The following NRG1 variants were observed in gnomAD, a reference collection of about 807,000 sequenced individuals.
The protein encoded by NRG1 is neuregulin 1.
Under a neutral mutation model 63.8 loss-of-function variants are expected in NRG1, and 18 were observed. The ratio of observed to expected loss-of-function variants is 0.28; its 90% CI spans 0.19 to 0.42. The LOEUF is 0.42. Ranked by LOEUF, NRG1 falls within the 10% of genes least tolerant of loss-of-function variation. The pLI is 1.00. For missense variants in NRG1, 762 were observed against 814.7 expected, an observed-to-expected ratio of 0.94 and a Z score of 0.79; for synonymous variants, 302 against 301.3, an observed-to-expected ratio of 1.00 and a Z score of -0.02.
At chr8:31,661,138 G>A (rs958058485) in intron 1 of NRG1, among the ~76,000 whole-genome samples, 1 of 152,086 alleles carries the variant, frequency 6.6e-6, no homozygotes, top group Non-Finnish European at 1.5e-5. Flanking sequence ...TTGCTGGACA[G>A]GGTATTTTAA....
chr8:31,874,951 T>A (rs1829788528), intron 1 of NRG1, among the ~76,000 whole-genome samples: 1 of 152,218 alleles, frequency 6.6e-6, no homozygotes, highest in African/African-American at 2.4e-5. Context: ...TAGATCAGTA[T>A]CAAGCAAATA....
intron 7 of NRG1, chr8:32,748,663 CTG>C (rs202032932): frequency 0.015 from 6,900 of 454,360 alleles, 99 homozygotes; most frequent in Middle Eastern, 0.041. Flanking sequence ...CTCCAAGTGG[CTG>C]TGTGCATGGG....
chr8:32,100,338 C>T (rs983172148), intron 1 of NRG1, among the ~76,000 whole-genome samples: 2 of 152,120 alleles, frequency 1.3e-5, no homozygotes, highest in Non-Finnish European at 2.9e-5. Context: ...AGCACTTTCA[C>T]GTAATTAACT....
exon 1 of NRG1, chr8:31,639,384 C>T (rs1185822758): frequency 6.5e-7 from 1 of 1,534,636 alleles, no homozygotes; most frequent in Non-Finnish European, 8.7e-7. Flanking sequence ...CCGCTCCGCT[C>T]CGGCAGCAGC....
intron 1 of NRG1, among the ~76,000 whole-genome samples, chr8:32,375,984 A>G (rs1052708904): frequency 1.3e-5 from 2 of 152,234 alleles, no homozygotes; most frequent in Non-Finnish European, 2.9e-5. Flanking sequence ...TTTCAAGAAT[A>G]AAATATTTCT....
chr8:31,730,174 T>C (rs1476460975), intron 1 of NRG1, among the ~76,000 whole-genome samples: 1 of 152,204 alleles, frequency 6.6e-6, no homozygotes, highest in East Asian at 1.9e-4. Context: ...GAAATCTGCA[T>C]AGACTTTAGG....
intron 1 of NRG1, among the ~76,000 whole-genome samples, chr8:31,740,770 GGT>G (rs1306906849): frequency 6.6e-6 from 1 of 151,934 alleles, no homozygotes; most frequent in Admixed American, 6.6e-5. Flanking sequence ...GCAGAGGTGT[GGT>G]AAGCAATTGA....
Position 32,655,886 on chromosome 8 carries a change from T to A in NRG1, c.502+39001T>A, listed in dbSNP as rs1298484362. ...GAAAGATTGGGACAACGGAAAACAATCTATACAGTTTAGATGTGGTGCAGG... is the reference window on the plus strand; with the variant it reads ...GAAAGATTGGGACAACGGAAAACAAACTATACAGTTTAGATGTGGTGCAGG... On this transcript the variant is annotated intron_variant, in intron 5 of 11. Coordinates refer to ENST00000356819, the Ensembl canonical transcript of NRG1. 5.3e-5 allele frequency among the ~76,000 whole-genome samples: 8 copies of A among 152,124 alleles called. No homozygotes were observed. The East Asian group carries it at 1.5e-3, about 29-fold the overall frequency.
intron 5 of NRG1, among the ~76,000 whole-genome samples, chr8:32,704,375 G>T (rs1231608034): frequency 2.6e-5 from 4 of 152,162 alleles, no homozygotes; most frequent in African/African-American, 9.7e-5. Context: ...AGCAGTGATA[G>T]TATCCGGCTA....
intron 11 of NRG1, among the ~76,000 whole-genome samples, chr8:32,763,032 G>T (rs542845836): frequency 6.6e-6 from 1 of 152,264 alleles, no homozygotes; most frequent in South Asian, 2.1e-4. Flanking sequence ...CTCCATTGTG[G>T]TAACTGTGAA....
chr8:32,499,659 G>A (rs1352476942), intron 1 of NRG1, among the ~76,000 whole-genome samples: 1 of 152,178 alleles, frequency 6.6e-6, no homozygotes, highest in African/African-American at 2.4e-5. Flanking sequence ...GGGCGACAGA[G>A]TGAGATCCTG....
chr8:32,036,968 G>A (rs1279221341), intron 1 of NRG1, among the ~76,000 whole-genome samples: 1 of 152,148 alleles, frequency 6.6e-6, no homozygotes, highest in Admixed American at 6.5e-5. Context: ...TCAGTTCAGG[G>A]CCCTTACTGG....
Position 32,043,605 on chromosome 8 carries a change from C to T in NRG1, c.37+404174C>T, listed in dbSNP as rs573517755. 2.2e-4 allele frequency among the ~76,000 whole-genome samples: 34 copies of T among 151,858 alleles called. 1 individual carries two copies. The South Asian group carries it at 6.4e-3, about 29-fold the overall frequency. On this transcript the variant is annotated intron_variant, in intron 1 of 10. Transcript: ENST00000519301. ...GTCAAAAGCAAAAATATGACATTGG[C>T]TGATACAGTTTTTATCCAGTATGCA...
At chr8:31,740,353 A>G (rs1248934853) in intron 1 of NRG1, among the ~76,000 whole-genome samples, 2 of 152,038 alleles carry the variant, frequency 1.3e-5, no homozygotes, top group Non-Finnish European at 2.9e-5. Context: ...AGCAGATGGT[A>G]TCCTGCTTTT....
At chr8:32,464,108 A>G (rs1480049459) in intron 1 of NRG1, among the ~76,000 whole-genome samples, 2 of 151,058 alleles carry the variant, frequency 1.3e-5, no homozygotes, top group Admixed American at 6.6e-5. Context: ...GTTGGCCAGG[A>G]TGGTCTCGAT....
At chr8:32,238,576 G>C (rs1433499069) in intron 1 of NRG1, among the ~76,000 whole-genome samples, 2 of 152,052 alleles carry the variant, frequency 1.3e-5, no homozygotes, top group African/African-American at 4.8e-5. Context: ...TGAAGGGAGA[G>C]AGAGGATACC....
At chr8:32,051,104 G>A (rs769066949) in intron 1 of NRG1, among the ~76,000 whole-genome samples, 8 of 152,130 alleles carry the variant, frequency 5.3e-5, no homozygotes, top group East Asian at 1.9e-4. Context: ...TACCAAAGAT[G>A]CCAAGAGGAG....
chr8:32,307,889 C>T (rs1022111327), intron 1 of NRG1, among the ~76,000 whole-genome samples: 2 of 152,136 alleles, frequency 1.3e-5, no homozygotes, highest in East Asian at 3.9e-4. Context: ...GAAACTTCAG[C>T]GCAAATTGTG....
intron 9 of NRG1, among the ~76,000 whole-genome samples, chr8:32,757,071 G>A (rs1233646031): frequency 6.6e-6 from 1 of 152,164 alleles, no homozygotes; most frequent in Non-Finnish European, 1.5e-5. Flanking sequence ...AAAGAAGAGT[G>A]TCATGCCAGC....
Sources: gnomAD v4.1 joint callset for allele counts (sites outside exome capture counted in the v4.1 genomes callset) on GRCh38, gnomAD v4.1.1 for gene constraint, MANE v1.5 for transcripts, NCBI Gene and HGNC (gene_info 2026-07-23, HGNC 2026-07-21) for gene names.